Variants in VWF observed in about 807,000 individuals in gnomAD.
The protein encoded by VWF is Factor VIII related antigen.
A neutral mutation model predicts 308.6 loss-of-function variants in VWF; 176 were observed. The ratio of observed to expected loss-of-function variants is 0.57; its 90% CI spans 0.50 to 0.65. The LOEUF (loss-of-function observed/expected upper bound fraction) is 0.65, where lower values mean the gene tolerates loss of function less well. Ranked by LOEUF, VWF falls within the 30% of genes least tolerant of loss-of-function variation. VWF has a pLI of 0.00. For synonymous variants in VWF, 1,385 were observed against 1,443.4 expected (o/e 0.96, Z 0.92); for missense variants, 3,146 against 3,648.2 (o/e 0.86, Z 3.55).
intron 17 of VWF, among the ~76,000 whole-genome samples, chr12:6,045,462 G>C (rs1213843387): frequency 2.0e-5 from 3 of 152,224 alleles, no homozygotes; most frequent in Admixed American, 2.0e-4. Flanking sequence ...AGCACGGAAG[G>C]TAGGTCTGAG....
intron 5 of VWF, among the ~76,000 whole-genome samples, chr12:6,103,624 T>C (rs1285347377): frequency 2.7e-5 from 4 of 148,950 alleles, no homozygotes; most frequent in African/African-American, 4.9e-5. Context: ...ATAGAGCCAG[T>C]TGATATTTGA....
At position 6,064,345 on chromosome 12, in the gene VWF, T is replaced by C. The variant is rs752687986; in HGVS notation, c.1333A>G (p.Thr445Ala). The change falls in exon 12 of 52, where the codon ACC becomes GCC. Residue 445 changes from threonine (T) to alanine (A), a missense_variant. Thr to Ala is a moderately conservative substitution (Grantham distance 58). Around this residue, in one of 3 missense-constraint regions of VWF, gnomAD observed 1,304 missense variants for 1,353.0 expected, o/e 0.96. Coordinates refer to ENST00000261405, the MANE Select transcript of VWF (RefSeq NM_000552.5). ...DRDAVCTRSV[T>A]VRLPGLHNSL... ...TTGTGCAGGCCAGGCAGCCGGACGG[T>C]GACGGAGCGGGTGCACACAGCGTCG... 1 of 1,614,030 alleles carries C rather than the reference T, an allele frequency of 6.2e-7. No individual in the cohort carries two copies. Among genetic ancestry groups the C allele is most frequent in the Non-Finnish European group, 8.5e-7 (1 of 1,180,042 alleles).
intron 43 of VWF, among the ~76,000 whole-genome samples, chr12:5,974,463 C>G (rs1017291231): frequency 6.6e-6 from 1 of 152,176 alleles, no homozygotes; most frequent in Non-Finnish European, 1.5e-5. Flanking sequence ...TTCTACGCAG[C>G]CAGGATTATA....
chr12:6,036,046 C>T (rs978187807), intron 19 of VWF, among the ~76,000 whole-genome samples: 1 of 152,202 alleles, frequency 6.6e-6, no homozygotes, highest in Non-Finnish European at 1.5e-5. Flanking sequence ...AAATAAATGT[C>T]ATGTTTAGAT....
At chr12:6,098,624 C>T (rs565532847) in intron 5 of VWF, among the ~76,000 whole-genome samples, 182 of 151,898 alleles carry the variant, frequency 1.2e-3, no homozygotes, top group Non-Finnish European at 2.0e-3. Context: ...TAAAAATAAA[C>T]AAAAATTAGC....
intron 5 of VWF, among the ~76,000 whole-genome samples, chr12:6,099,808 T>A (rs1945141925): frequency 6.6e-6 from 1 of 152,100 alleles, no homozygotes; most frequent in African/African-American, 2.4e-5. Context: ...AACCTAGGCA[T>A]TACCATTCAG....
At chr12:6,003,900 C>G (rs1367989927) in intron 34 of VWF, among the ~76,000 whole-genome samples, 1 of 149,582 alleles carries the variant, frequency 6.7e-6, no homozygotes, top group African/African-American at 2.5e-5. Flanking sequence ...ACTACAAGCT[C>G]CACCTCCCGG....
At chr12:6,057,311 A>ATTTTTTTTTTTTTT (rs1250165048) in intron 14 of VWF, among the ~76,000 whole-genome samples, 4,118 of 128,888 alleles carry the variant, frequency 0.032, 152 homozygotes, top group Non-Finnish European at 0.043. Context: ...GGACTATGGA[A>ATTTTTTTTTTTTTT]TTTTTTTTTT....
At chr12:6,109,800 G>A (rs547551259) in intron 5 of VWF, among the ~76,000 whole-genome samples, 3 of 152,130 alleles carry the variant, frequency 2.0e-5, no homozygotes, top group African/African-American at 7.2e-5. Flanking sequence ...ACAGGCACCC[G>A]CCACCACGCC....
intron 18 of VWF, among the ~76,000 whole-genome samples, chr12:6,042,989 G>C (rs1173980293): frequency 6.6e-6 from 1 of 152,146 alleles, no homozygotes; most frequent in African/African-American, 2.4e-5. Flanking sequence ...CAATAAGGAA[G>C]ATTCCCCTGC....
chr12:5,952,572 C>T (rs1591828417), intron 48 of VWF, 53 bp from the exon 49 acceptor site: 1 of 1,599,036 alleles, frequency 6.3e-7, no homozygotes, highest in Admixed American at 1.7e-5. Context: ...GTTCACAAAG[C>T]CACTTCAAAC....
intron 5 of VWF, among the ~76,000 whole-genome samples, chr12:6,107,722 G>A (rs189710942): frequency 1.2e-4 from 19 of 152,110 alleles, no homozygotes; most frequent in Admixed American, 1.3e-4. Context: ...GCAGTGGTGC[G>A]ATTTCAGCTC....
intron 8 of VWF, 45 bp from the exon 9 acceptor site, chr12:6,072,487 C>A (rs185148953): frequency 2.0e-6 from 3 of 1,467,194 alleles, no homozygotes; most frequent in South Asian, 2.3e-5. Context: ...ATTGTCATTG[C>A]GTCACTCATC....
chr12:6,081,092 T>C (rs1358241078), intron 6 of VWF, among the ~76,000 whole-genome samples: 1 of 152,176 alleles, frequency 6.6e-6, no homozygotes. Flanking sequence ...CCGCCCATCC[T>C]CCTGCGTTCA....
chr12:6,005,689 C>T (rs921473272), intron 34 of VWF, among the ~76,000 whole-genome samples: 2 of 152,152 alleles, frequency 1.3e-5, no homozygotes, highest in African/African-American at 4.8e-5. Flanking sequence ...CAGCAGAAAC[C>T]TTGCAGGCCA....
intron 38 of VWF, among the ~76,000 whole-genome samples, chr12:5,988,096 T>A (rs528035501): frequency 6.6e-6 from 1 of 152,280 alleles, no homozygotes; most frequent in African/African-American, 2.4e-5. Context: ...GGTGCACCTA[T>A]GAAGCACAGG....
At chr12:6,111,806 A>C (rs1945310784) in intron 3 of VWF, among the ~76,000 whole-genome samples, 1 of 151,890 alleles carries the variant, frequency 6.6e-6, no homozygotes, top group Admixed American at 6.6e-5. Context: ...AAGAAAAAAA[A>C]AATTAGCCAG....
intron 20 of VWF, among the ~76,000 whole-genome samples, chr12:6,033,828 T>C (rs1472615377): frequency 1.3e-5 from 2 of 152,214 alleles, no homozygotes; most frequent in African/African-American, 4.8e-5. Context: ...GGGGCTCCTA[T>C]GGGTTTGTGG....
intron 6 of VWF, among the ~76,000 whole-genome samples, chr12:6,090,236 C>T (rs1417991223): frequency 6.6e-6 from 1 of 152,158 alleles, no homozygotes; most frequent in African/African-American, 2.4e-5. Context: ...GGATTACAGG[C>T]GTGAGCCACC....
Sources: gnomAD v4.1 joint callset for allele counts (sites outside exome capture counted in the v4.1 genomes callset) on GRCh38, gnomAD v4.1.1 for gene constraint, gnomAD v4.1.1 regional missense constraint, MANE v1.5 for transcripts, NCBI Gene and HGNC (gene_info 2026-07-23, HGNC 2026-07-21) for gene names.